The following SH3BP4 variants were observed in gnomAD, a reference collection of about 807,000 sequenced individuals.
The protein encoded by SH3BP4 is SH3 domain binding protein 4, also known as SH3 domain-binding protein 4.
In SH3BP4, 33 loss-of-function variants were observed where a neutral mutation model predicts 65.5. The observed-to-expected ratio is 0.50, with a 90% CI of 0.38 to 0.67. The LOEUF (loss-of-function observed/expected upper bound fraction) is 0.67. Among genes scored for constraint, SH3BP4 ranks in the 30% least tolerant of loss-of-function variants. The probability of loss-of-function intolerance (pLI) is 0.00; values close to 1 mark genes in which losing one functional copy is unlikely to be tolerated. For synonymous variants in SH3BP4, 552 were observed against 545.5 expected (o/e 1.01, Z -0.17); for missense variants, 1,134 against 1,261.4 (o/e 0.90, Z 1.53).
At chr2:234,985,184 G>A (rs1382812874) in intron 1 of SH3BP4, among the ~76,000 whole-genome samples, 1 of 152,178 alleles carries the variant, frequency 6.6e-6, no homozygotes, top group African/African-American at 2.4e-5. Flanking sequence ...AGTAGTGAGT[G>A]TACAAAGATC....
rs1159925137 is a variant in SH3BP4 at position 234,991,785 on chromosome 2, A to G, written c.-206-3518A>G. ...GCCAGCGGTCTTGTCCACTGAATCC[A>G]TCCACTGGGACCTCCCGGACATGAC... On this transcript the variant is annotated intron_variant, in intron 1 of 5. Coordinates refer to ENST00000392011, the MANE Select transcript of SH3BP4 (RefSeq NM_014521.3). This position sits in a 1 kb window ranked among gnomAD's most constrained non-coding sequence, Gnocchi z 4.2. Among the ~76,000 whole-genome samples the G allele has an allele frequency of 6.6e-6, 1 of 150,448 alleles. No homozygotes were observed. The highest frequency in any genetic ancestry group is 1.5e-5 in the Non-Finnish European group (1 of 67,996).
At chr2:235,023,289 A>G (rs1473629138) in intron 2 of SH3BP4, among the ~76,000 whole-genome samples, 2 of 152,186 alleles carry the variant, frequency 1.3e-5, no homozygotes, top group Non-Finnish European at 2.9e-5. Flanking sequence ...GCTCACACCT[A>G]TACTCTCAGC....
chr2:235,035,051 T>A lies in SH3BP4; in HGVS notation c.49T>A (p.Cys17Ser), dbSNP rs1221070687. 2 of 1,614,040 alleles carry A rather than the reference T, an allele frequency of 1.2e-6. No homozygotes were observed. Among genetic ancestry groups the A allele is most frequent in the East Asian group, 2.2e-5 (1 of 44,878 alleles). Residue 17 changes from cysteine to serine, a missense_variant, in exon 3 of 6, where the codon TGC becomes AGC. Physicochemically the swap from Cys to Ser is moderately radical, Grantham distance 112 (BLOSUM62 -1). Coordinates refer to ENST00000392011, the MANE Select transcript of SH3BP4 (RefSeq NM_014521.3). The surrounding 1 kb of genome is among the most constrained non-coding windows in gnomAD (Gnocchi z 5.0). ...RAANSNGLPR[C>S]KSEGTLIDLS... ...GGCCAACTCCAATGGCCTCCCTCGC[T>A]GCAAGTCAGAGGGGACCCTGATTGA...
chr2:234,958,845 C>A (rs1257894446), intron 1 of SH3BP4, among the ~76,000 whole-genome samples: 1 of 152,076 alleles, frequency 6.6e-6, no homozygotes, highest in South Asian at 2.1e-4. Context: ...GTGGAGGCCA[C>A]GCAGAAGAAT....
chr2:235,024,311 T>TTGCATGC (rs1694931008), intron 2 of SH3BP4, among the ~76,000 whole-genome samples: 3 of 152,216 alleles, frequency 2.0e-5, no homozygotes, highest in Admixed American at 2.0e-4. Flanking sequence ...CATCCACAGT[T>TTGCATGC]TGCATGCATG....
intron 2 of SH3BP4, among the ~76,000 whole-genome samples, chr2:235,019,739 G>A (rs923550442): frequency 1.3e-5 from 2 of 150,772 alleles, no homozygotes; most frequent in African/African-American, 4.9e-5. Context: ...CCTGGCCAGG[G>A]AAGGGTGAGT....
Position 234,952,926 on chromosome 2 carries a change from A to C in SH3BP4, c.-207+756A>C, listed in dbSNP as rs1049191645. The C allele has an allele frequency of 2.6e-5, 4 of 151,984 alleles. No individual in the cohort carries two copies. The highest frequency in any genetic ancestry group is 2.0e-4 in the Admixed American group (3 of 15,262). The allele number at this position is 151,984 out of a possible 1,614,324, so 9.4% of individuals were successfully genotyped here. A position where few individuals can be genotyped will look rare whatever the true frequency, so the allele number is the denominator to read the frequency against. On this transcript the variant is annotated intron_variant, in intron 1 of 5. Coordinates refer to ENST00000392011, the MANE Select transcript of SH3BP4 (RefSeq NM_014521.3). This position sits in a 1 kb window ranked among gnomAD's most constrained non-coding sequence, Gnocchi z 6.5. Reference sequence around the variant, plus strand: ...CCCAACCCTGGGTCCCGCGGCTCCTAGCCCGGGGCCTGCGGTGTAGACGGG... The same window carrying C: ...CCCAACCCTGGGTCCCGCGGCTCCTCGCCCGGGGCCTGCGGTGTAGACGGG...
chr2:234,992,459 A>T lies in SH3BP4; in HGVS notation c.-206-2844A>T, dbSNP rs181440879. ...AGGCATTGTGGGCCCCTGGAGATGG[A>T]TGCGTTCCTGCCATGTAGCTCTGGG... On this transcript the variant is annotated intron_variant, in intron 1 of 5. Transcript: ENST00000392011. Among the ~76,000 whole-genome samples, 334 of 152,320 alleles carry T rather than the reference A, an allele frequency of 2.2e-3. 3 individuals are homozygous for T. The highest frequency in any genetic ancestry group is 7.8e-3 in the African/African-American group (324 of 41,564).
Position 234,974,319 on chromosome 2 carries a change from C to T in SH3BP4, c.-206-20984C>T, listed in dbSNP as rs866638233. ...GGCTGGGGTTGCAGTGAGCCAAGATCGCACTATTGCACTCCAGCCTGGGCA... is the reference window on the plus strand; with the variant it reads ...GGCTGGGGTTGCAGTGAGCCAAGATTGCACTATTGCACTCCAGCCTGGGCA... On this transcript the variant is annotated intron_variant, in intron 1 of 5. Transcript: ENST00000392011. The surrounding 1 kb of genome is among the most constrained non-coding windows in gnomAD (Gnocchi z 4.6). Among the ~76,000 whole-genome samples, 5 of 152,010 alleles carry T rather than the reference C, an allele frequency of 3.3e-5. No homozygotes were observed. The highest frequency in any genetic ancestry group is 6.6e-5 in the Admixed American group (1 of 15,260).
intron 2 of SH3BP4, among the ~76,000 whole-genome samples, chr2:235,019,839 G>T (rs1694799301): frequency 7.2e-6 from 1 of 139,652 alleles, no homozygotes; most frequent in South Asian, 2.2e-4. Context: ...AGAGATCTGA[G>T]GCCAGAGTTC....
At chr2:234,982,692 G>C (rs10803626) in intron 1 of SH3BP4, among the ~76,000 whole-genome samples, 40,656 of 151,966 alleles carry the variant, frequency 0.27, 5,942 homozygotes, top group East Asian at 0.59. Context: ...GCATTCCCTA[G>C]TCACAGGGGC....
At position 234,991,889 on chromosome 2, in the gene SH3BP4, C is replaced by A. The variant is rs935906524; in HGVS notation, c.-206-3414C>A. On this transcript the variant is annotated intron_variant, in intron 1 of 5. Transcript: ENST00000392011. This position sits in a 1 kb window ranked among gnomAD's most constrained non-coding sequence, Gnocchi z 4.2. ...ATGTGCACCTGTCCCTGCCCAGGGT[C>A]CAGTTCTGGCGTCTCTGAGCCCCCT... Among the ~76,000 whole-genome samples the A allele has an allele frequency of 1.3e-5, 2 of 152,226 alleles. No individual in the cohort carries two copies. Among genetic ancestry groups the A allele is most frequent in the Non-Finnish European group, 2.9e-5 (2 of 68,040 alleles).
intron 1 of SH3BP4, among the ~76,000 whole-genome samples, chr2:234,972,148 T>C (rs1198794224): frequency 6.7e-6 from 1 of 150,072 alleles, no homozygotes; most frequent in Non-Finnish European, 1.5e-5. Context: ...TTTTTTTGTT[T>C]TGAGACAGTG....
chr2:234,955,196 A>T (rs1043303301), intron 1 of SH3BP4, among the ~76,000 whole-genome samples: 2 of 152,120 alleles, frequency 1.3e-5, no homozygotes, highest in African/African-American at 4.8e-5. Context: ...CGATCACTAA[A>T]TAGAGTTCTC....
intron 5 of SH3BP4, among the ~76,000 whole-genome samples, chr2:235,053,309 G>A (rs28403580): frequency 0.13 from 20,389 of 152,192 alleles, 1,545 homozygotes; most frequent in Middle Eastern, 0.19. Context: ...AAATGGCACA[G>A]AGAGAAAGTG....
intron 1 of SH3BP4, among the ~76,000 whole-genome samples, chr2:234,990,880 G>C (rs1251449272): frequency 6.6e-6 from 1 of 152,158 alleles, no homozygotes; most frequent in Admixed American, 6.5e-5. Flanking sequence ...GCATCTGGGG[G>C]TTTGCAGGTA....
At chr2:235,014,120 G>C (rs1694610966) in intron 2 of SH3BP4, among the ~76,000 whole-genome samples, 1 of 152,108 alleles carries the variant, frequency 6.6e-6, no homozygotes, top group South Asian at 2.1e-4. Context: ...CCTTTGCGTG[G>C]CTCTTACGGT....
In SH3BP4 at chr2:235,053,973, C is replaced by T. The variant is rs1696148046; in HGVS notation, c.*157C>T. 1 of 616,074 alleles carries T rather than the reference C, an allele frequency of 1.6e-6. No individual in the cohort carries two copies. 38.2% of individuals were successfully genotyped at this position (616,074 alleles called of 1,614,324 possible). A position where few individuals can be genotyped will look rare whatever the true frequency, so the allele number is the denominator to read the frequency against. Reference sequence around the variant, plus strand: ...TACACCCATCATGCGCCGCCCTCCTCCATCGAGGGAGAGGCCTGAAGGGAC... The same window carrying T: ...TACACCCATCATGCGCCGCCCTCCTTCATCGAGGGAGAGGCCTGAAGGGAC... On this transcript the variant is annotated 3_prime_UTR_variant, in exon 6 of 6. Transcript: ENST00000392011.
chr2:234,983,907 A>G (rs1693466693), intron 1 of SH3BP4, among the ~76,000 whole-genome samples: 2 of 152,244 alleles, frequency 1.3e-5, no homozygotes, highest in African/African-American at 4.8e-5. Flanking sequence ...GCCTGGTTTC[A>G]GATTTCCAGC....
Sources: allele counts gnomAD v4.1 joint callset (sites outside exome capture counted in the v4.1 genomes callset), GRCh38; gene constraint gnomAD v4.1.1; non-coding constraint Gnocchi (gnomAD v3.1); transcripts MANE v1.5; gene names NCBI Gene and HGNC (gene_info 2026-07-23, HGNC 2026-07-21).